CSMD1: variants seen among roughly 807,000 people sequenced by gnomAD.
CSMD1 encodes CUB and sushi domain-containing protein 1.
Under a neutral mutation model 417.5 loss-of-function variants are expected in CSMD1, and 213 were observed. The observed-to-expected ratio is 0.51, with a 90% CI of 0.46 to 0.57. The LOEUF (loss-of-function observed/expected upper bound fraction) is 0.57, where lower values mean the gene tolerates loss of function less well. Ranked by LOEUF, CSMD1 falls within the 20% of genes least tolerant of loss-of-function variation. The pLI is 0.00. For synonymous variants in CSMD1, 2,862 were observed against 1,736.8 expected (o/e 1.65, Z -16.11); for missense variants, 6,923 against 4,529.7 (o/e 1.53, Z -15.17).
chr8:4,154,214 T>C (rs995615761), intron 3 of CSMD1, among the ~76,000 whole-genome samples: 15 of 152,124 alleles, frequency 9.9e-5, no homozygotes, highest in African/African-American at 3.6e-4. Context: ...AAGAATAATA[T>C]CAAGGTTAGT....
chr8:4,482,542 G>A lies in CSMD1; in HGVS notation c.303-62477C>T, dbSNP rs566757196. Among the ~76,000 whole-genome samples, 19 of 152,306 alleles carry A rather than the reference G, an allele frequency of 1.2e-4. No homozygotes were observed. The East Asian group carries it at 3.5e-3, about 28-fold the overall frequency. On this transcript the variant is annotated intron_variant, in intron 2 of 69. Coordinates refer to ENST00000635120, the MANE Select transcript of CSMD1 (RefSeq NM_033225.6). ...CCATGTCTTTGCTATTGTGAATAGT[G>A]TTGCAATGAACACACATGTGCACGT...
intron 1 of CSMD1, among the ~76,000 whole-genome samples, chr8:4,848,397 CTA>C (rs1185544884): frequency 2.0e-5 from 3 of 152,198 alleles, no homozygotes; most frequent in African/African-American, 7.2e-5. Flanking sequence ...TGAAAAATTC[CTA>C]TGAGCTAGTA....
intron 2 of CSMD1, among the ~76,000 whole-genome samples, chr8:4,571,069 T>C (rs555153229): frequency 2.0e-5 from 3 of 152,288 alleles, no homozygotes; most frequent in Non-Finnish European, 2.9e-5. Context: ...AGTCTATCAA[T>C]TTGTTAATCA....
chr8:4,065,021 A>T lies in CSMD1; in HGVS notation c.416-32922T>A, dbSNP rs73187957. 8.9e-3 allele frequency among the ~76,000 whole-genome samples: 1,359 copies of T among 152,150 alleles called. 14 individuals carry two copies. Among genetic ancestry groups the T allele is most frequent in the South Asian group, 0.045 (219 of 4,828 alleles). On this transcript the variant is annotated intron_variant, in intron 3 of 69. Transcript: ENST00000635120. ...AAATCCACTTAAGTTGTTCATTTTT[A>T]AAAAAAATCTGAAATGATTAAAATG...
intron 37 of CSMD1, among the ~76,000 whole-genome samples, chr8:3,168,176 G>C (rs944990746): frequency 2.0e-5 from 3 of 152,154 alleles, no homozygotes; most frequent in Admixed American, 2.0e-4. Flanking sequence ...ACAGGGTCAA[G>C]AAATCAAAAT....
At chr8:4,913,030 C>A (rs1805804862) in intron 1 of CSMD1, among the ~76,000 whole-genome samples, 1 of 152,114 alleles carries the variant, frequency 6.6e-6, no homozygotes, top group Non-Finnish European at 1.5e-5. Context: ...CTCAAGTGAT[C>A]CACCTGCCTC....
intron 3 of CSMD1, among the ~76,000 whole-genome samples, chr8:4,190,743 T>C (rs954185801): frequency 6.6e-6 from 1 of 152,104 alleles, no homozygotes; most frequent in East Asian, 1.9e-4. Context: ...TGAATGGATA[T>C]AACTAATTAA....
At chr8:3,379,545 C>T (rs913886530) in intron 18 of CSMD1, among the ~76,000 whole-genome samples, 2 of 152,164 alleles carry the variant, frequency 1.3e-5, no homozygotes, top group Admixed American at 1.3e-4. Flanking sequence ...GGTACCAAAG[C>T]AGATATATAG....
intron 7 of CSMD1, among the ~76,000 whole-genome samples, chr8:3,637,441 T>C (rs1262378093): frequency 6.6e-6 from 1 of 152,218 alleles, no homozygotes; most frequent in Non-Finnish European, 1.5e-5. Flanking sequence ...ATCTATTTTC[T>C]AACATTTGAT....
At chr8:3,976,539 G>A (rs1308905938) in intron 5 of CSMD1, among the ~76,000 whole-genome samples, 12 of 152,136 alleles carry the variant, frequency 7.9e-5, no homozygotes, top group African/African-American at 2.9e-4. Flanking sequence ...TATCACAAGA[G>A]CCTGTGAAAC....
chr8:4,766,303 G>A (rs945867750), intron 1 of CSMD1, among the ~76,000 whole-genome samples: 5 of 152,058 alleles, frequency 3.3e-5, no homozygotes, highest in Non-Finnish European at 5.9e-5. Context: ...TTTTTCATTC[G>A]GTGAGCCAAC....
At chr8:4,703,337 C>A (rs779237824) in intron 1 of CSMD1, among the ~76,000 whole-genome samples, 18 of 152,106 alleles carry the variant, frequency 1.2e-4, no homozygotes, top group Admixed American at 1.0e-3. Context: ...CGTCGCTCCA[C>A]GGACCTTTCT....
At chr8:4,871,176 T>C (rs968932177) in intron 1 of CSMD1, among the ~76,000 whole-genome samples, 4 of 152,262 alleles carry the variant, frequency 2.6e-5, no homozygotes, top group African/African-American at 9.6e-5. Context: ...ATGGGATTCA[T>C]CATGTATGAG....
intron 3 of CSMD1, among the ~76,000 whole-genome samples, chr8:4,405,031 T>C (rs11995502): frequency 0.032 from 4,913 of 152,358 alleles, 117 homozygotes; most frequent in African/African-American, 0.064. Context: ...AGGTTTAAAC[T>C]AGCATGTCGT....
intron 3 of CSMD1, among the ~76,000 whole-genome samples, chr8:4,127,098 C>T (rs933904184): frequency 2.6e-5 from 4 of 151,950 alleles, no homozygotes; most frequent in African/African-American, 9.7e-5. Flanking sequence ...TTTAACAATC[C>T]TAGTTATCTG....
At chr8:3,435,519 C>G (rs1177278428) in intron 12 of CSMD1, among the ~76,000 whole-genome samples, 2 of 152,100 alleles carry the variant, frequency 1.3e-5, no homozygotes, top group East Asian at 3.9e-4. Context: ...CTCTGTCCAC[C>G]TCTCCACTCT....
At chr8:4,275,727 G>A (rs949567973) in intron 3 of CSMD1, among the ~76,000 whole-genome samples, 3 of 152,132 alleles carry the variant, frequency 2.0e-5, no homozygotes, top group African/African-American at 7.2e-5. Context: ...TTCACAATGA[G>A]TATAACTTTA....
At chr8:4,204,876 G>C (rs1244839056) in intron 3 of CSMD1, among the ~76,000 whole-genome samples, 1 of 152,022 alleles carries the variant, frequency 6.6e-6, no homozygotes, top group South Asian at 2.1e-4. Context: ...CCCCAGGCTG[G>C]TCCTGAACTC....
At chr8:4,058,916 T>C (rs1380687283) in intron 3 of CSMD1, among the ~76,000 whole-genome samples, 1 of 151,996 alleles carries the variant, frequency 6.6e-6, no homozygotes, top group African/African-American at 2.4e-5. Context: ...ACCCAGGAAT[T>C]GAACTCAGCT....
Sources: gnomAD v4.1 joint callset for allele counts (sites outside exome capture counted in the v4.1 genomes callset) on GRCh38, gnomAD v4.1.1 for gene constraint, MANE v1.5 for transcripts, NCBI Gene and HGNC (gene_info 2026-07-23, HGNC 2026-07-21) for gene names.